Variants in NEK11 observed in about 807,000 individuals in gnomAD.
NEK11 encodes the protein NIMA related kinase 11.
A neutral mutation model predicts 80.7 loss-of-function variants in NEK11; 72 were observed. That is an observed-to-expected ratio of 0.89 (90% CI 0.74 to 1.08). NEK11 has a LOEUF of 1.08. NEK11 is among the 50% of genes least tolerant of loss of function. NEK11 has a pLI of 0.00. For missense variants in NEK11, 764 were observed against 763.6 expected, an observed-to-expected ratio of 1.00 and a Z score of -0.01; for synonymous variants, 251 against 260.7, an observed-to-expected ratio of 0.96 and a Z score of 0.36.
At chr3:131,173,487 T>C (rs1262593890) in intron 14 of NEK11, among the ~76,000 whole-genome samples, 1 of 151,652 alleles carries the variant, frequency 6.6e-6, no homozygotes, top group African/African-American at 2.4e-5. Context: ...TACTTAATAC[T>C]GCATTTCATA....
chr3:131,256,312 A>G (rs745686695), intron 16 of NEK11, among the ~76,000 whole-genome samples: 1 of 152,330 alleles, frequency 6.6e-6, no homozygotes, highest in East Asian at 1.9e-4. Context: ...TAAACACCAC[A>G]TTGTATCCCA....
At chr3:131,132,468 A>G (rs1318477198) in intron 5 of NEK11, among the ~76,000 whole-genome samples, 1 of 152,078 alleles carries the variant, frequency 6.6e-6, no homozygotes, top group Non-Finnish European at 1.5e-5. Flanking sequence ...TTATGCTACA[A>G]AAACATAATA....
intron 3 of NEK11, among the ~76,000 whole-genome samples, chr3:131,074,394 A>G (rs1423630732): frequency 6.6e-6 from 1 of 152,144 alleles, no homozygotes; most frequent in Non-Finnish European, 1.5e-5. Flanking sequence ...ACAGTTTTAT[A>G]TGTCTCTTAA....
At chr3:131,203,725 T>C (rs1194286706) in intron 14 of NEK11, among the ~76,000 whole-genome samples, 1 of 141,716 alleles carries the variant, frequency 7.1e-6, no homozygotes, top group East Asian at 2.1e-4. Context: ...TATATTTGTA[T>C]ATTATATATG....
intron 17 of NEK11, among the ~76,000 whole-genome samples, chr3:131,277,395 T>G (rs2096311679): frequency 6.6e-6 from 1 of 152,228 alleles, no homozygotes; most frequent in Non-Finnish European, 1.5e-5. Context: ...TTTCCAAAAC[T>G]GAACTCCTAA....
rs536834704 is a variant in NEK11 at position 131,288,450 on chromosome 3, C to CTTTCTTTCTTTT, written c.1718+14879_1718+14880insCTTTCTTTTTTT. Among the ~76,000 whole-genome samples, 85 of 115,384 alleles carry CTTTCTTTCTTTT rather than the reference C, an allele frequency of 7.4e-4. 2 individuals carry two copies. Among genetic ancestry groups the CTTTCTTTCTTTT allele is most frequent in the African/African-American group, 2.6e-3 (83 of 32,418 alleles). 75.7% of individuals were successfully genotyped at this position (115,384 alleles called of 152,430 possible). A position where few individuals can be genotyped will look rare whatever the true frequency, so the allele number is the denominator to read the frequency against. On this transcript the variant is annotated intron_variant, in intron 17 of 17. Transcript: ENST00000383366. ...TTATATGGTATGCATTTCTTTCTTT[C>CTTTCTTTCTTTT]TTTTTTTTTTTTTTTTTTTGAGACG...
At chr3:131,257,769 C>T (rs889250785) in intron 16 of NEK11, among the ~76,000 whole-genome samples, 2 of 152,072 alleles carry the variant, frequency 1.3e-5, no homozygotes, top group Non-Finnish European at 2.9e-5. Context: ...TATGGAGATT[C>T]CTTAAAGAAC....
At chr3:131,191,654 G>A (rs1156844620) in intron 14 of NEK11, among the ~76,000 whole-genome samples, 1 of 151,968 alleles carries the variant, frequency 6.6e-6, no homozygotes, top group Admixed American at 6.6e-5. Context: ...ACATTGTTTG[G>A]GGGTTATTAT....
At position 131,126,232 on chromosome 3, in the gene NEK11, G is replaced by A. The variant is rs188184147; in HGVS notation, c.456-6513G>A. On this transcript the variant is annotated intron_variant, in intron 5 of 17. Transcript: ENST00000383366. The stretch of plus-strand genomic sequence containing the variant: ...TGCTACCATTATTATTGGTTTACAA[G>A]CCAAAACTAGTTTAGATTTCCCCAC... 1.1e-4 allele frequency among the ~76,000 whole-genome samples: 16 copies of A among 152,124 alleles called. No individual in the cohort carries two copies. The East Asian group carries it at 3.1e-3, about 29-fold the overall frequency.
intron 3 of NEK11, among the ~76,000 whole-genome samples, chr3:131,073,355 A>G (rs980554259): frequency 6.6e-5 from 10 of 152,202 alleles, no homozygotes; most frequent in African/African-American, 2.2e-4. Flanking sequence ...ATGATTTGTT[A>G]TAGTACCAGC....
chr3:131,233,026 A>AAGGAAGGG (rs2095361614), intron 15 of NEK11, among the ~76,000 whole-genome samples: 1 of 139,644 alleles, frequency 7.2e-6, no homozygotes, highest in Non-Finnish European at 1.6e-5. Flanking sequence ...GGAAGGAAGG[A>AAGGAAGGG]AGGAAGGAAG....
intron 17 of NEK11, among the ~76,000 whole-genome samples, chr3:131,309,903 C>A (rs546935358): frequency 2.2e-5 from 3 of 137,638 alleles, no homozygotes; most frequent in Non-Finnish European, 4.6e-5. Context: ...GCAGGAGGAT[C>A]GGTTGAGCTT....
At chr3:131,163,695 G>T (rs1253413885) in intron 11 of NEK11, among the ~76,000 whole-genome samples, 1 of 152,028 alleles carries the variant, frequency 6.6e-6, no homozygotes, top group African/African-American at 2.4e-5. Flanking sequence ...ACAATGTTTT[G>T]TATTTTTGAA....
At chr3:131,100,119 T>C (rs1205537871) in intron 4 of NEK11, among the ~76,000 whole-genome samples, 1 of 152,224 alleles carries the variant, frequency 6.6e-6, no homozygotes, top group African/African-American at 2.4e-5. Context: ...CTTATTATTT[T>C]GAGGTATGTT....
intron 7 of NEK11, among the ~76,000 whole-genome samples, chr3:131,139,119 A>T (rs2086269450): frequency 6.6e-6 from 1 of 152,062 alleles, no homozygotes; most frequent in South Asian, 2.1e-4. Context: ...GAAGAAACTC[A>T]ACAAAATTCA....
rs1159208992 is a variant in NEK11, at chr3:131,228,634, A to G, written c.1506A>G (p.Pro502=). 13 of 1,613,690 alleles carry G rather than the reference A, an allele frequency of 8.1e-6. No homozygotes were observed. The highest frequency in any genetic ancestry group is 2.7e-5 in the African/African-American group (2 of 74,908). ...EEEEEIALER[P]EKEIRNEGSQ... ...AAGAAGAAATAGCGTTAGAAAGACC[A>G]GAGAAAGAAATCAGGAATGAGGGAT... Residue 502 remains proline, a synonymous_variant, in exon 15 of 18, where the codon CCA becomes CCG. Coordinates refer to ENST00000383366, the MANE Select transcript of NEK11 (RefSeq NM_024800.5).
At chr3:131,218,025 T>C (rs539428807) in intron 14 of NEK11, among the ~76,000 whole-genome samples, 1 of 152,356 alleles carries the variant, frequency 6.6e-6, no homozygotes, top group South Asian at 2.1e-4. Flanking sequence ...AGATGTGGGC[T>C]CTATTATTTT....
At chr3:131,140,514 G>A (rs76444372) in intron 7 of NEK11, among the ~76,000 whole-genome samples, 49 of 152,278 alleles carry the variant, frequency 3.2e-4, no homozygotes, top group Admixed American at 9.8e-4. Context: ...TGATCAAAAT[G>A]ACTGATTATT....
intron 17 of NEK11, chr3:131,329,566 T>G (rs1317734528): frequency 6.6e-6 from 1 of 152,108 alleles, no homozygotes; most frequent in Non-Finnish European, 1.5e-5. Flanking sequence ...TGCTGGAAAG[T>G]AGCAAATACT....
Sources: allele counts gnomAD v4.1 joint callset (sites outside exome capture counted in the v4.1 genomes callset), GRCh38; gene constraint gnomAD v4.1.1; transcripts MANE v1.5; gene names NCBI Gene and HGNC (gene_info 2026-07-23, HGNC 2026-07-21).